The following LPA variants were observed in gnomAD, a reference collection of about 807,000 sequenced individuals.
LPA encodes lipoprotein(a).
A neutral mutation model predicts 197.9 loss-of-function variants in LPA; 199 were observed. That is an observed-to-expected ratio of 1.01 (90% CI 0.90 to 1.13). The LOEUF (loss-of-function observed/expected upper bound fraction) is 1.13, where lower values mean the gene tolerates loss of function less well. Among genes scored for constraint, LPA ranks in the 50% most tolerant of loss-of-function variants. The pLI is 0.00. For synonymous variants in LPA, 715 were observed against 639.5 expected, an observed-to-expected ratio of 1.12 and a Z score of -1.78; for missense variants, 1,853 against 1,785.8, an observed-to-expected ratio of 1.04 and a Z score of -0.68.
rs915400553 is a variant in LPA at position 160,590,733 on chromosome 6, C to T, written c.3787+211G>A. Among the ~76,000 whole-genome samples the T allele has an allele frequency of 2.6e-5, 4 of 152,082 alleles. No homozygotes were observed. The East Asian group carries it at 5.8e-4, about 22-fold the overall frequency. On this transcript the variant is annotated intron_variant, in intron 23 of 38. Coordinates refer to ENST00000316300, the MANE Select transcript of LPA (RefSeq NM_005577.4). ...AATCCAGTGCCCTAGAAGGTCTGCA[C>T]GCTTCCTAAAGACACCACCCTGTCA...
rs1211318725 is a variant in LPA, at chr6:160,564,743, C to T, written c.4632-7172G>A. The stretch of plus-strand genomic sequence containing the variant: ...GTAAGGGGTCAGGGAATTCCCTTTC[C>T]TAGCCAAGGGAAGCCATGACAGATG... On this transcript the variant is annotated intron_variant, in intron 28 of 38. Transcript: ENST00000316300. Among the ~76,000 whole-genome samples, 3 of 152,268 alleles carry T rather than the reference C, an allele frequency of 2.0e-5. No homozygotes were observed. In the East Asian group the frequency reaches 5.8e-4, roughly 29 times the overall value.
chr6:160,562,345 G>A (rs1778376750), intron 28 of LPA, among the ~76,000 whole-genome samples: 1 of 152,174 alleles, frequency 6.6e-6, no homozygotes, highest in South Asian at 2.1e-4. Context: ...TTTGTCATTG[G>A]TTCTGTTTAT....
At chr6:160,653,261 G>C (rs933569540) in intron 1 of LPA, among the ~76,000 whole-genome samples, 1 of 152,006 alleles carries the variant, frequency 6.6e-6, no homozygotes, top group African/African-American at 2.4e-5. Flanking sequence ...TAACAACAGA[G>C]CTTCAAAATA....
chr6:160,535,039 G>C (rs1366162143), intron 37 of LPA, among the ~76,000 whole-genome samples: 1 of 145,876 alleles, frequency 6.9e-6, no homozygotes, highest in Non-Finnish European at 1.5e-5. Context: ...TGGTGGAGTA[G>C]TGGTGATGGT....
chr6:160,553,737 G>T (rs928233345), intron 30 of LPA, among the ~76,000 whole-genome samples: 3 of 152,130 alleles, frequency 2.0e-5, no homozygotes, highest in African/African-American at 7.2e-5. Flanking sequence ...TTGACTGTGA[G>T]TTTATCATTT....
chr6:160,569,463 C>A (rs1156874603), intron 28 of LPA, among the ~76,000 whole-genome samples: 1 of 150,586 alleles, frequency 6.6e-6, no homozygotes, highest in Admixed American at 6.6e-5. Flanking sequence ...CTTCCTTACA[C>A]CTTATATAAA....
intron 20 of LPA, among the ~76,000 whole-genome samples, chr6:160,598,015 C>G (rs952169264): frequency 1.3e-5 from 2 of 152,118 alleles, no homozygotes; most frequent in Non-Finnish European, 2.9e-5. Flanking sequence ...CTGGAGCTGC[C>G]TTTATTCTAG....
At chr6:160,609,592 A>G (rs1004369749) in intron 16 of LPA, among the ~76,000 whole-genome samples, 4 of 152,010 alleles carry the variant, frequency 2.6e-5, no homozygotes, top group Admixed American at 6.5e-5. Context: ...AACGTTCTTC[A>G]TAATTGAAAA....
At chr6:160,542,911 G>T in intron 33 of LPA, 103 bp from the exon 34 acceptor site, 4 of 1,498,530 alleles carry the variant, frequency 2.7e-6, no homozygotes, top group Non-Finnish European at 3.7e-6. Context: ...ACATCTCAAA[G>T]GTGAAATTAA....
rs376599925 is a variant in LPA, at chr6:160,605,152, T to C, written c.2839A>G (p.Ser947Gly). The change falls in exon 18 of 39, where the codon AGT becomes GGT. Residue 947 changes from serine (S) to glycine (G), a missense_variant. Physicochemically the swap from Ser to Gly is moderately conservative, Grantham distance 56. This residue lies in a region of LPA where 1,737 missense variants were observed against 1,504.4 expected (regional missense o/e 1.15). Coordinates refer to ENST00000316300, the MANE Select transcript of LPA (RefSeq NM_005577.4). Reference sequence around the variant, plus strand: ...GTAATGAAGTATGTGCCTTGATAACTCTGTCCATTTCCGTGGTAGCACTCC... The same window carrying C: ...GTAATGAAGTATGTGCCTTGATAACCCTGTCCATTTCCGTGGTAGCACTCC... ...VQECYHGNGQ[S>G]YQGTYFITVT... The C allele has an allele frequency of 2.5e-6, 4 of 1,613,900 alleles. No individual in the cohort carries two copies. The African/African-American group carries it at 4.0e-5, about 16-fold the overall frequency.
intron 28 of LPA, among the ~76,000 whole-genome samples, chr6:160,566,559 G>T (rs1030559699): frequency 6.6e-6 from 1 of 152,056 alleles, no homozygotes; most frequent in African/African-American, 2.4e-5. Flanking sequence ...AAAAACCATC[G>T]ATGCTAGGAA....
chr6:160,578,599 A>G lies in LPA; in HGVS notation c.4395T>C (p.Cys1465=). The G allele has an allele frequency of 1.9e-6, 3 of 1,614,016 alleles. No homozygotes were observed. The highest frequency in any genetic ancestry group is 2.5e-6 in the Non-Finnish European group (3 of 1,179,922). The part of the protein sequence containing the change: ...VRWEYCNLTR[C]PVTESSVLTT... ...TGAGGACACTCGATTCTGTCACTGGACATCGTGTCAGGTTGCAGTACTCCC... is the reference window on the plus strand; with the variant it reads ...TGAGGACACTCGATTCTGTCACTGGGCATCGTGTCAGGTTGCAGTACTCCC... The change falls in exon 27 of 39, where the codon TGT becomes TGC. Residue 1465 remains cysteine, a synonymous_variant. Transcript: ENST00000316300.
intron 28 of LPA, among the ~76,000 whole-genome samples, chr6:160,573,023 T>C (rs148665770): frequency 6.6e-6 from 1 of 152,334 alleles, no homozygotes; most frequent in East Asian, 1.9e-4. Context: ...CCCCCAAATA[T>C]GTTTTCCAAG....
chr6:160,658,417 T>C (rs1780167151), intron 1 of LPA, among the ~76,000 whole-genome samples: 1 of 152,188 alleles, frequency 6.6e-6, no homozygotes, highest in African/African-American at 2.4e-5. Flanking sequence ...AAACTCTCAT[T>C]CAGGGCAATC....
intron 16 of LPA, 64 bp from the exon 17 acceptor site, chr6:160,606,722 C>T: frequency 1.9e-6 from 3 of 1,583,042 alleles, no homozygotes; most frequent in Non-Finnish European, 2.6e-6. Context: ...ACCCCACACC[C>T]TCTCCTTTGT....
At chr6:160,549,779 C>T (rs1352417514) in intron 30 of LPA, among the ~76,000 whole-genome samples, 1 of 152,202 alleles carries the variant, frequency 6.6e-6, no homozygotes, top group African/African-American at 2.4e-5. Flanking sequence ...TCAGTCCATC[C>T]TCTACTGGCC....
chr6:160,552,939 A>G (rs548753745), intron 30 of LPA, among the ~76,000 whole-genome samples: 1 of 152,050 alleles, frequency 6.6e-6, no homozygotes, highest in South Asian at 2.1e-4. Context: ...CTTCTTTTGC[A>G]TAAAAGGACT....
In LPA at chr6:160,646,208, C is replaced by G. The variant is rs1263842987; in HGVS notation, c.391+6G>C. 5 of 7,856 alleles carry G rather than the reference C, an allele frequency of 6.4e-4. No homozygotes were observed. The East Asian group carries it at 7.6e-3, about 12-fold the overall frequency. The allele number at this position is 7,856 out of a possible 1,614,324, so 0.5% of individuals were successfully genotyped here. A position where few individuals can be genotyped will look rare whatever the true frequency, so the allele number is the denominator to read the frequency against. On this transcript the variant is annotated splice_donor_region_variant and intron_variant, in intron 3 of 38. Transcript: ENST00000316300. ...GCGTGTAGATGTCTGGCCACAGACT[C>G]CTTACCTTGTTCGGAAGGAGCCTCT...
chr6:160,657,716 G>T (rs1265374767), intron 1 of LPA, among the ~76,000 whole-genome samples: 2 of 152,042 alleles, frequency 1.3e-5, no homozygotes, highest in Non-Finnish European at 2.9e-5. Flanking sequence ...CCTTTTCTAA[G>T]TCCCCGAGCT....
Sources: gnomAD v4.1 joint callset for allele counts (sites outside exome capture counted in the v4.1 genomes callset) on GRCh38, gnomAD v4.1.1 for gene constraint, gnomAD v4.1.1 regional missense constraint, MANE v1.5 for transcripts, NCBI Gene and HGNC (gene_info 2026-07-23, HGNC 2026-07-21) for gene names.